Variants in ZGRF1 observed in about 807,000 individuals in gnomAD.
ZGRF1 encodes the protein 5'-3' DNA helicase ZGRF1.
In ZGRF1, 196 loss-of-function variants were observed where a neutral mutation model predicts 203.5. The observed-to-expected ratio is 0.96, with a 90% CI of 0.86 to 1.08. The LOEUF (loss-of-function observed/expected upper bound fraction) is 1.08. Ranked by LOEUF, ZGRF1 falls within the 50% of genes least tolerant of loss-of-function variation. The pLI is 0.00. For missense variants in ZGRF1, 2,326 were observed against 2,416.3 expected (o/e 0.96, Z 0.78); for synonymous variants, 809 against 841.3 (o/e 0.96, Z 0.66).
Position 112,589,799 on chromosome 4 carries a change from A to C in ZGRF1, c.3052T>G (p.Phe1018Val), listed in dbSNP as rs766579186. Reference protein sequence around the residue: ...TFSLNSRDEDFMVEFSETSLK... With the variant: ...TFSLNSRDEDVMVEFSETSLK... Reference sequence around the variant, plus strand: ...GACGTCTCAGAGAATTCTACCATGAAGTCTTCATCTCTTGAGTTCAAAGAA... The same window carrying C: ...GACGTCTCAGAGAATTCTACCATGACGTCTTCATCTCTTGAGTTCAAAGAA... The change falls in exon 11 of 28, where the codon TTC (phenylalanine) becomes GTC (valine). Residue 1018 changes from phenylalanine to valine, a missense_variant. By Grantham distance (50) the Phe-to-Val change is conservative. Coordinates refer to ENST00000505019, the MANE Select transcript of ZGRF1 (RefSeq NM_018392.5). The C allele has an allele frequency of 4.3e-6, 7 of 1,613,328 alleles. No homozygotes were observed. In the South Asian group the frequency reaches 7.7e-5, roughly 18 times the overall value.
chr4:112,568,789 G>A (rs974191754), intron 16 of ZGRF1, among the ~76,000 whole-genome samples: 1 of 151,644 alleles, frequency 6.6e-6, no homozygotes, highest in African/African-American at 2.4e-5. Flanking sequence ...GCCAAGGCGG[G>A]CAGATTACAA....
chr4:112,622,063 C>T (rs1004681379), intron 4 of ZGRF1, among the ~76,000 whole-genome samples: 2 of 151,968 alleles, frequency 1.3e-5, no homozygotes, highest in Non-Finnish European at 2.9e-5. Context: ...TAGTAGTTAC[C>T]ACCAATCAGA....
Position 112,548,345 on chromosome 4 carries a change from T to C in ZGRF1, c.5382A>G (p.Pro1794=), listed in dbSNP as rs1389907098. The C allele has an allele frequency of 1.3e-6, 2 of 1,555,598 alleles. No individual in the cohort carries two copies. The highest frequency in any genetic ancestry group is 8.7e-7 in the Non-Finnish European group (1 of 1,148,994). Residue 1794 remains proline (P), a synonymous_variant, in exon 23 of 28, where the codon CCA becomes CCG. Coordinates refer to ENST00000505019, the MANE Select transcript of ZGRF1 (RefSeq NM_018392.5). Reference sequence around the variant, plus strand: ...ATTTAAGATCATTCATGCATGGGAATGGGCAGGCTGCACAGGTAACTCCAA... The same window carrying C: ...ATTTAAGATCATTCATGCATGGGAACGGGCAGGCTGCACAGGTAACTCCAA... ...RVVGVTCAAC[P]FPCMNDLKFP...
chr4:112,628,641 G>C, intron 3 of ZGRF1: 1 of 456,258 alleles, frequency 2.2e-6, no homozygotes, highest in South Asian at 1.5e-5. Flanking sequence ...GAAACTTTCA[G>C]GGACTAACTT....
intron 20 of ZGRF1, among the ~76,000 whole-genome samples, chr4:112,557,789 T>C (rs986225643): frequency 6.6e-6 from 1 of 152,196 alleles, no homozygotes; most frequent in Non-Finnish European, 1.5e-5. Context: ...CTGTGAGAAA[T>C]GTGTTGGGTA....
chr4:112,594,452 GTT>G (rs780636381), intron 10 of ZGRF1, among the ~76,000 whole-genome samples: 1 of 139,680 alleles, frequency 7.2e-6, no homozygotes, highest in Non-Finnish European at 1.6e-5. Context: ...TTTCGGTTTG[GTT>G]TTTTTTTTTT....
chr4:112,619,098 T>G lies in ZGRF1; in HGVS notation c.944A>C (p.His315Pro). 6.2e-7 allele frequency: 1 copy of G among 1,613,976 alleles called. No homozygotes were observed. Among genetic ancestry groups the G allele is most frequent in the Non-Finnish European group, 8.5e-7 (1 of 1,179,952 alleles). ...MKSTENLYYQ[H>P]QSENTMRNKS... ...ATTTCTCATGGTATTTTCTGATTGATGCTGGTAGTATAAATTTTCTGTGCT... is the reference window on the plus strand; with the variant it reads ...ATTTCTCATGGTATTTTCTGATTGAGGCTGGTAGTATAAATTTTCTGTGCT... The change falls in exon 6 of 28, where the codon CAT becomes CCT. Residue 315 changes from histidine (H) to proline (P), a missense_variant. Coordinates refer to ENST00000505019, the MANE Select transcript of ZGRF1 (RefSeq NM_018392.5).
chr4:112,621,600 G>A (rs974126153), intron 4 of ZGRF1, among the ~76,000 whole-genome samples: 1 of 149,502 alleles, frequency 6.7e-6, no homozygotes, highest in East Asian at 2.0e-4. Flanking sequence ...TTGCGGTGAG[G>A]TGAGATCGCG....
At chr4:112,622,010 G>A (rs1199543412) in intron 4 of ZGRF1, among the ~76,000 whole-genome samples, 1 of 151,682 alleles carries the variant, frequency 6.6e-6, no homozygotes, top group Non-Finnish European at 1.5e-5. Flanking sequence ...TTACAGGCGT[G>A]AGCCACCGCG....
At position 112,553,866 on chromosome 4, in the gene ZGRF1, T is replaced by G. The variant is rs753216220; in HGVS notation, c.5315A>C (p.Lys1772Thr). 6.2e-7 allele frequency: 1 copy of G among 1,613,088 alleles called. No individual in the cohort carries two copies. The highest frequency in any genetic ancestry group is 8.5e-7 in the Non-Finnish European group (1 of 1,179,672). ...VYVRKSIEQHKLGTNRTLLKQ... is the reference protein window; with the variant it reads ...VYVRKSIEQHTLGTNRTLLKQ... ...CAGCAGGGTTCTATTGGTCCCCAGT[T>G]TATGCTGCTCAATGCTTTTTCTCAC... is the stretch of plus-strand genomic sequence containing the variant. The change falls in exon 22 of 28, where the codon AAA becomes ACA. Residue 1772 changes from lysine (K) to threonine (T), a missense_variant. Coordinates refer to ENST00000505019, the MANE Select transcript of ZGRF1 (RefSeq NM_018392.5).
At position 112,540,017 on chromosome 4, in the gene ZGRF1, C is replaced by T; in HGVS notation, c.6018G>A (p.Leu2006=). The change falls in exon 27 of 28, where the codon CTG becomes CTA. Residue 2006 remains leucine (L), a synonymous_variant. Transcript: ENST00000505019. ...CTACTTGTCTTGTCCTTACACAGGA[C>T]AGAATAATGATCTCCTTTTCAGCTC... The part of the protein sequence containing the change: ...FQGAEKEIII[L]SCVRTRQVGF... 1 of 1,613,024 alleles carries T rather than the reference C, an allele frequency of 6.2e-7. No homozygotes were observed. The highest frequency in any genetic ancestry group is 1.1e-5 in the South Asian group (1 of 90,984).
chr4:112,548,209 A>T (rs1578670200), intron 23 of ZGRF1, 44 bp downstream of exon 23: 1 of 1,540,780 alleles, frequency 6.5e-7, no homozygotes, highest in South Asian at 1.2e-5. Context: ...CTAAAGTGCT[A>T]GGATTACAGG....
intron 20 of ZGRF1, among the ~76,000 whole-genome samples, chr4:112,557,583 G>T (rs1040289240): frequency 6.6e-6 from 1 of 152,182 alleles, no homozygotes; most frequent in Non-Finnish European, 1.5e-5. Flanking sequence ...ATCTGCATTG[G>T]TTTCCCTTGG....
intron 7 of ZGRF1, chr4:112,611,000 AT>A (rs1578441120): frequency 4.0e-6 from 1 of 251,108 alleles, no homozygotes; most frequent in Non-Finnish European, 7.9e-6. Flanking sequence ...GGTAGGTTTT[AT>A]TTTTTTCTTC....
chr4:112,632,526 G>T (rs2047444639), intron 2 of ZGRF1, among the ~76,000 whole-genome samples: 1 of 152,190 alleles, frequency 6.6e-6, no homozygotes, highest in African/African-American at 2.4e-5. Flanking sequence ...CAGGGGTGCA[G>T]AATGAAGTTT....
In ZGRF1 at chr4:112,587,170, A is replaced by T. The variant is rs1338411843; in HGVS notation, c.3777+110T>A. 17 of 944,758 alleles carry T rather than the reference A, an allele frequency of 1.8e-5. No homozygotes were observed. In the East Asian group the frequency reaches 4.1e-4, roughly 23 times the overall value. 58.5% of individuals were successfully genotyped at this position (944,758 alleles called of 1,614,324 possible). A position where few individuals can be genotyped will look rare whatever the true frequency, so the allele number is the denominator to read the frequency against. ...TGTAGCTCAGAGTTAGGATCAAAAA[A>T]AGCCATCTGTCCAAATTGCTCCTAT... On this transcript the variant is annotated intron_variant, in intron 12 of 27. Coordinates refer to ENST00000505019, the MANE Select transcript of ZGRF1 (RefSeq NM_018392.5).
At chr4:112,599,609 C>T (rs556297577) in intron 10 of ZGRF1, among the ~76,000 whole-genome samples, 1 of 151,280 alleles carries the variant, frequency 6.6e-6, no homozygotes, top group African/African-American at 2.4e-5. Context: ...ACAGTCTCAG[C>T]TACTTGGGAG....
intron 8 of ZGRF1, among the ~76,000 whole-genome samples, chr4:112,606,470 T>C (rs1460682416): frequency 1.3e-5 from 2 of 152,154 alleles, no homozygotes; most frequent in African/African-American, 4.8e-5. Context: ...GAGACCAGCC[T>C]GACCACCATG....
chr4:112,595,417 A>G (rs1560826131), intron 10 of ZGRF1, among the ~76,000 whole-genome samples: 1 of 152,230 alleles, frequency 6.6e-6, no homozygotes, highest in Non-Finnish European at 1.5e-5. Context: ...AGTGTAATAT[A>G]CAATTAAAAA....
Sources: allele counts gnomAD v4.1 joint callset (sites outside exome capture counted in the v4.1 genomes callset), GRCh38; gene constraint gnomAD v4.1.1; transcripts MANE v1.5; gene names NCBI Gene and HGNC (gene_info 2026-07-23, HGNC 2026-07-21).